ANKRD6: variants seen among roughly 807,000 people sequenced by gnomAD.
ANKRD6 encodes ankyrin repeat domain 6.
Under a neutral mutation model 82.3 loss-of-function variants are expected in ANKRD6, and 56 were observed. That is an observed-to-expected ratio of 0.68 (90% CI 0.55 to 0.85). The LOEUF is 0.85. Among genes scored for constraint, ANKRD6 ranks in the 40% least tolerant of loss-of-function variants. ANKRD6 has a pLI of 0.00. For missense variants in ANKRD6, 852 were observed against 907.6 expected (o/e 0.94, Z 0.79); for synonymous variants, 347 against 352.1 (o/e 0.99, Z 0.16).
intron 1 of ANKRD6, among the ~76,000 whole-genome samples, chr6:89,473,378 G>A (rs1775698805): frequency 2.0e-5 from 3 of 151,160 alleles, no homozygotes; most frequent in African/African-American, 7.3e-5. Context: ...ACTCCAGCCT[G>A]GGCGATAGAG....
intron 1 of ANKRD6, among the ~76,000 whole-genome samples, chr6:89,471,939 CAAAAAAAAA>C (rs749607605): frequency 1.3e-4 from 7 of 52,604 alleles, no homozygotes; most frequent in East Asian, 1.4e-3. Context: ...AACTCCATCT[CAAAAAAAAA>C]AAAAAAAAAA....
At chr6:89,447,138 T>G (rs1315287482) in intron 1 of ANKRD6, among the ~76,000 whole-genome samples, 1 of 152,136 alleles carries the variant, frequency 6.6e-6, no homozygotes, top group Non-Finnish European at 1.5e-5. Context: ...CCTGTAGTTC[T>G]AGCTATTCGG....
intron 9 of ANKRD6, among the ~76,000 whole-genome samples, chr6:89,619,064 G>A (rs1342787098): frequency 7.2e-5 from 11 of 152,096 alleles, no homozygotes; most frequent in South Asian, 2.1e-4. Flanking sequence ...TTTTTAAAAC[G>A]TGCCTAATAT....
At chr6:89,473,566 G>A (rs1775719599) in intron 1 of ANKRD6, among the ~76,000 whole-genome samples, 1 of 152,108 alleles carries the variant, frequency 6.6e-6, no homozygotes, top group South Asian at 2.1e-4. Context: ...TACTAATCAA[G>A]TATAACAACA....
chr6:89,529,793 A>T lies in ANKRD6; in HGVS notation c.-143-37041A>T, dbSNP rs542189866. On this transcript the variant is annotated intron_variant, in intron 1 of 15. Transcript: ENST00000339746. ...TCAGCAAATAGGGAGGCCCAAGGAGAGGGAGAGAGAAGGGGAACCAGGGGT... is the reference window on the plus strand; with the variant it reads ...TCAGCAAATAGGGAGGCCCAAGGAGTGGGAGAGAGAAGGGGAACCAGGGGT... 7.2e-5 allele frequency among the ~76,000 whole-genome samples: 11 copies of T among 152,186 alleles called. No individual in the cohort carries two copies. The South Asian group carries it at 2.1e-3, about 29-fold the overall frequency.
chr6:89,596,973 A>G (rs1413134726), intron 3 of ANKRD6, among the ~76,000 whole-genome samples: 1 of 152,260 alleles, frequency 6.6e-6, no homozygotes, highest in Non-Finnish European at 1.5e-5. Context: ...AACTGTAGTT[A>G]TAGAGTGTGA....
chr6:89,622,146 G>A lies in ANKRD6; in HGVS notation c.897+120G>A, dbSNP rs142812228. On this transcript the variant is annotated intron_variant, in intron 10 of 15. Coordinates refer to ENST00000339746, the MANE Select transcript of ANKRD6 (RefSeq NM_001242809.2). Reference sequence around the variant, plus strand: ...CCGGCCCTCTCTGCCTCTCCTCCTTGCTGGAGCTCTTCAAACTGTTGCCAG... The same window carrying A: ...CCGGCCCTCTCTGCCTCTCCTCCTTACTGGAGCTCTTCAAACTGTTGCCAG... The A allele has an allele frequency of 1.5e-3, 1,165 of 796,404 alleles. 5 individuals carry two copies. The highest frequency in any genetic ancestry group is 2.1e-3 in the Non-Finnish European group (1,055 of 497,850). The allele number at this position is 796,404 out of a possible 1,614,324, so 49.3% of individuals were successfully genotyped here.
At chr6:89,466,868 G>A (rs150956698) in intron 1 of ANKRD6, among the ~76,000 whole-genome samples, 89 of 152,192 alleles carry the variant, frequency 5.8e-4, no homozygotes, top group Non-Finnish European at 1.2e-3. Context: ...CACCAAACCC[G>A]GCTAATTTTT....
At position 89,612,348 on chromosome 6, in the gene ANKRD6, C is replaced by T. The variant is rs757918748; in HGVS notation, c.494C>T (p.Ser165Phe). The T allele has an allele frequency of 4.4e-5, 69 of 1,559,216 alleles. No homozygotes were observed. In the South Asian group the frequency reaches 6.0e-4, roughly 14 times the overall value. ...QSTRVLLLAG[S>F]RADLKNNAGD... Reference sequence around the variant, plus strand: ...ACGCGCGTCCTCCTGCTGGCCGGGTCCCGCGCTGACCTCAAAAATAATGTG... The same window carrying T: ...ACGCGCGTCCTCCTGCTGGCCGGGTTCCGCGCTGACCTCAAAAATAATGTG... The change falls in exon 6 of 16, where the codon TCC becomes TTC. Residue 165 changes from serine (S) to phenylalanine (F), a missense_variant. Ser to Phe is a radical substitution (Grantham distance 155, BLOSUM62 -2). Transcript: ENST00000339746.
intron 1 of ANKRD6, among the ~76,000 whole-genome samples, chr6:89,565,695 C>G (rs908338670): frequency 6.6e-6 from 1 of 152,152 alleles, no homozygotes; most frequent in Admixed American, 6.6e-5. Flanking sequence ...TTTGGGTGTG[C>G]CTGGGAACAA....
chr6:89,628,994 G>T, intron 14 of ANKRD6, 118 bp from the exon 15 acceptor site: 1 of 1,161,580 alleles, frequency 8.6e-7, no homozygotes, highest in Non-Finnish European at 1.2e-6. Flanking sequence ...TTGTTAGATG[G>T]TATCCTCAAC....
At chr6:89,586,721 C>T (rs977847839) in intron 2 of ANKRD6, among the ~76,000 whole-genome samples, 8 of 152,018 alleles carry the variant, frequency 5.3e-5, no homozygotes, top group African/African-American at 1.9e-4. Context: ...TGGGCTGCCA[C>T]CTGTGAGGAG....
intron 13 of ANKRD6, among the ~76,000 whole-genome samples, chr6:89,625,895 C>T (rs1411426993): frequency 6.6e-6 from 1 of 151,994 alleles, no homozygotes. Context: ...ACCATGCCCA[C>T]CTAATTTTTG....
At chr6:89,482,652 A>G (rs1344040975) in intron 1 of ANKRD6, among the ~76,000 whole-genome samples, 1 of 152,106 alleles carries the variant, frequency 6.6e-6, no homozygotes, top group East Asian at 1.9e-4. Context: ...CATTGTTGGA[A>G]ATTCTCCCCA....
intron 1 of ANKRD6, among the ~76,000 whole-genome samples, chr6:89,434,513 G>C (rs770225046): frequency 2.0e-5 from 3 of 152,176 alleles, no homozygotes; most frequent in Non-Finnish European, 4.4e-5. Flanking sequence ...TTGAGACAGA[G>C]TTTCGCTCTG....
intron 2 of ANKRD6, among the ~76,000 whole-genome samples, chr6:89,582,623 C>T (rs1159006456): frequency 6.6e-6 from 1 of 152,170 alleles, no homozygotes; most frequent in African/African-American, 2.4e-5. Context: ...CCATTAAACA[C>T]TAACTCCCCT....
At chr6:89,530,374 A>G (rs1782992743) in intron 1 of ANKRD6, among the ~76,000 whole-genome samples, 1 of 152,142 alleles carries the variant, frequency 6.6e-6, no homozygotes, top group African/African-American at 2.4e-5. Flanking sequence ...TAAGGTTGCC[A>G]CAAACCTTCA....
intron 2 of ANKRD6, chr6:89,568,093 G>T (rs1428962983): frequency 6.6e-6 from 1 of 152,266 alleles, no homozygotes; most frequent in Non-Finnish European, 1.5e-5. Context: ...GTGAACAGGG[G>T]TTTGCCCATA....
intron 1 of ANKRD6, among the ~76,000 whole-genome samples, chr6:89,527,601 C>CAAAAAAAA (rs35855223): frequency 4.6e-4 from 21 of 45,538 alleles, no homozygotes; most frequent in South Asian, 1.2e-3. Context: ...GACTCCGTCT[C>CAAAAAAAA]AAAAAAAAAA....
Sources: gnomAD v4.1 joint callset for allele counts (sites outside exome capture counted in the v4.1 genomes callset) on GRCh38, gnomAD v4.1.1 for gene constraint, MANE v1.5 for transcripts, NCBI Gene and HGNC (gene_info 2026-07-23, HGNC 2026-07-21) for gene names.